The following RBM47 variants were observed in gnomAD, a reference collection of about 807,000 sequenced individuals.
RBM47 encodes the protein RNA binding motif protein 47, also known as RNA-binding protein 47.
In RBM47, 21 loss-of-function variants were observed where a neutral mutation model predicts 47.1. That is an observed-to-expected ratio of 0.45 (90% CI 0.32 to 0.64). The LOEUF (loss-of-function observed/expected upper bound fraction) is 0.64, where lower values mean the gene tolerates loss of function less well. Ranked by LOEUF, RBM47 falls within the 30% of genes least tolerant of loss-of-function variation. RBM47 has a pLI of 0.05. For missense variants in RBM47, 708 were observed against 870.9 expected (o/e 0.81, Z 2.35); for synonymous variants, 375 against 361.7 (o/e 1.04, Z -0.42).
At chr4:40,612,051 T>C (rs116649204) in intron 1 of RBM47, among the ~76,000 whole-genome samples, 2,479 of 152,228 alleles carry the variant, frequency 0.016, 25 homozygotes, top group Non-Finnish European at 0.027. Flanking sequence ...TCAAGAGCGT[T>C]GGAATGAAGG....
At chr4:40,490,736 ACT>A (rs1357303435) in intron 2 of RBM47, among the ~76,000 whole-genome samples, 3 of 151,628 alleles carry the variant, frequency 2.0e-5, no homozygotes, top group Non-Finnish European at 4.4e-5. Flanking sequence ...GACAAGTGAG[ACT>A]CTGTCTCAAA....
At chr4:40,506,026 T>G (rs1189981829) in intron 2 of RBM47, among the ~76,000 whole-genome samples, 3 of 152,232 alleles carry the variant, frequency 2.0e-5, no homozygotes, top group African/African-American at 7.2e-5. Context: ...ACCTTCATTA[T>G]ATGATCTTTC....
At chr4:40,564,979 G>T (rs548471552) in intron 1 of RBM47, among the ~76,000 whole-genome samples, 5 of 152,336 alleles carry the variant, frequency 3.3e-5, no homozygotes, top group African/African-American at 1.2e-4. Context: ...GCTCTCTTGT[G>T]TGTGTCTTGA....
At chr4:40,597,082 A>C (rs975794622) in intron 1 of RBM47, among the ~76,000 whole-genome samples, 3 of 152,094 alleles carry the variant, frequency 2.0e-5, no homozygotes, top group Admixed American at 6.6e-5. Flanking sequence ...AACATGGTGA[A>C]ACCCTATCTC....
chr4:40,507,059 C>A (rs1292374260), intron 2 of RBM47, among the ~76,000 whole-genome samples: 1 of 152,120 alleles, frequency 6.6e-6, no homozygotes, highest in African/African-American at 2.4e-5. Flanking sequence ...CGGGTTCAAG[C>A]AATTCTCCTG....
chr4:40,539,940 T>C (rs1227718448), intron 2 of RBM47, among the ~76,000 whole-genome samples: 1 of 152,124 alleles, frequency 6.6e-6, no homozygotes, highest in Non-Finnish European at 1.5e-5. Flanking sequence ...CAAATGCAAC[T>C]TGCATTTTCA....
chr4:40,540,774 T>TTTTA lies in RBM47; in HGVS notation c.-155+3644_-155+3647dup, dbSNP rs543635221. Among the ~76,000 whole-genome samples, 876 of 149,976 alleles carry TTTTA rather than the reference T, an allele frequency of 5.8e-3. 6 individuals carry two copies. The highest frequency in any genetic ancestry group is 0.019 in the African/African-American group (794 of 41,238). ...TCAGTTGGGTTTTTTAATTTATATATTTTATTTATTTATTTATTTATTTGG... is the reference window on the plus strand; with the variant it reads ...TCAGTTGGGTTTTTTAATTTATATATTTTATTTATTTATTTATTTATTTATTTGG... On this transcript the variant is annotated intron_variant, in intron 2 of 6. Transcript: ENST00000295971.
At chr4:40,531,423 T>C (rs1178005503) in intron 2 of RBM47, among the ~76,000 whole-genome samples, 1 of 151,946 alleles carries the variant, frequency 6.6e-6, no homozygotes, top group Non-Finnish European at 1.5e-5. Context: ...GATGCTGGCC[T>C]GCCAAGCAGA....
intron 2 of RBM47, among the ~76,000 whole-genome samples, chr4:40,519,045 T>G (rs1341421094): frequency 6.7e-6 from 1 of 149,904 alleles, no homozygotes; most frequent in Non-Finnish European, 1.5e-5. Context: ...AAAAAAAATA[T>G]AAAAAATGAT....
At chr4:40,600,069 G>A (rs571082745) in intron 1 of RBM47, among the ~76,000 whole-genome samples, 33 of 152,016 alleles carry the variant, frequency 2.2e-4, no homozygotes, top group African/African-American at 6.3e-4. Flanking sequence ...GTCCACTGGC[G>A]CCATCATAGC....
chr4:40,574,166 A>G (rs967688490), intron 1 of RBM47, among the ~76,000 whole-genome samples: 3 of 152,206 alleles, frequency 2.0e-5, no homozygotes, highest in African/African-American at 7.2e-5. Context: ...GGGTTATTAG[A>G]CTTCCGAGAT....
chr4:40,464,977 A>G (rs1029435752), intron 3 of RBM47, among the ~76,000 whole-genome samples: 6 of 150,684 alleles, frequency 4.0e-5, no homozygotes, highest in African/African-American at 1.5e-4. Flanking sequence ...AATTCTGGTT[A>G]TATTTGGATT....
At chr4:40,443,752 A>AC (rs1714064604) in intron 3 of RBM47, among the ~76,000 whole-genome samples, 1 of 139,362 alleles carries the variant, frequency 7.2e-6, no homozygotes, top group Non-Finnish European at 1.5e-5. Flanking sequence ...AAAAAAAAAA[A>AC]GGTACACTGA....
chr4:40,496,781 TGTAATCCCA>T (rs1722653047), intron 2 of RBM47, among the ~76,000 whole-genome samples: 1 of 152,216 alleles, frequency 6.6e-6, no homozygotes, highest in Non-Finnish European at 1.5e-5. Context: ...GGCTCACGTC[TGTAATCCCA>T]GCACTTTGGG....
chr4:40,582,665 T>A (rs1390068951), intron 1 of RBM47, among the ~76,000 whole-genome samples: 1 of 152,224 alleles, frequency 6.6e-6, no homozygotes, highest in East Asian at 1.9e-4. Context: ...TATGACCCCA[T>A]ATGCCATACA....
rs767766034 is a variant in RBM47, at chr4:40,425,961, C to G, written c.1725G>C (p.Gln575His). Residue 575 changes from glutamine (Q) to histidine (H), a missense_variant, in exon 7 of 7, where the codon CAG becomes CAC. Physicochemically the swap from Gln to His is conservative, Grantham distance 24. Coordinates refer to ENST00000295971, the MANE Select transcript of RBM47 (RefSeq NM_001098634.2). ...MYGGYAGYIP[Q>H]AFPAAAIQVP... ...CCTGAATGGCAGCAGCAGGGAAGGC[C>G]TGAGGTATGTAGCCTGCGTATCCTC... The G allele has an allele frequency of 1.6e-5, 26 of 1,614,076 alleles. No homozygotes were observed. The Admixed American group carries it at 4.3e-4, about 27-fold the overall frequency.
chr4:40,627,026 C>T lies in RBM47; in HGVS notation c.-240+2370G>A, dbSNP rs141974422. On this transcript the variant is annotated intron_variant, in intron 1 of 6. Transcript: ENST00000295971. The stretch of plus-strand genomic sequence containing the variant: ...TTTATCCAGTTGCTCTTTGAAGCCA[C>T]TACTTGGAGCAGTAATGTTGGGACC... 3.9e-3 allele frequency among the ~76,000 whole-genome samples: 599 copies of T among 152,302 alleles called. 5 individuals are homozygous for T. Among genetic ancestry groups the T allele is most frequent in the African/African-American group, 0.013 (555 of 41,554 alleles).
intron 1 of RBM47, among the ~76,000 whole-genome samples, chr4:40,584,458 G>A (rs1215123810): frequency 6.6e-6 from 1 of 152,112 alleles, no homozygotes; most frequent in Non-Finnish European, 1.5e-5. Context: ...GTAAAAAACA[G>A]GTGACAATTT....
At chr4:40,506,304 C>T (rs1724091867) in intron 2 of RBM47, among the ~76,000 whole-genome samples, 1 of 152,180 alleles carries the variant, frequency 6.6e-6, no homozygotes, top group African/African-American at 2.4e-5. Context: ...GGACAATGTT[C>T]AATGTCTTGA....
Sources: gnomAD v4.1 joint callset for allele counts (sites outside exome capture counted in the v4.1 genomes callset) on GRCh38, gnomAD v4.1.1 for gene constraint, MANE v1.5 for transcripts, NCBI Gene and HGNC (gene_info 2026-07-23, HGNC 2026-07-21) for gene names.